DLGAP2: variants seen among roughly 807,000 people sequenced by gnomAD.
DLGAP2 encodes disks large-associated protein 2.
In DLGAP2, 26 loss-of-function variants were observed where a neutral mutation model predicts 100.3. The observed-to-expected ratio is 0.26, with a 90% CI of 0.19 to 0.36. DLGAP2 has a LOEUF of 0.36. DLGAP2 is among the 10% of genes least tolerant of loss of function. DLGAP2 has a pLI of 1.00. For missense variants in DLGAP2, 1,858 were observed against 1,453.2 expected, an observed-to-expected ratio of 1.28 and a Z score of -4.53; for synonymous variants, 886 against 630.1, an observed-to-expected ratio of 1.41 and a Z score of -6.08.
chr8:1,689,183 T>G (rs1255159004), intron 12 of DLGAP2, among the ~76,000 whole-genome samples: 2 of 152,200 alleles, frequency 1.3e-5, no homozygotes, highest in Non-Finnish European at 2.9e-5. Flanking sequence ...CTGTCTAGGC[T>G]TCCACAGTCA....
intron 2 of DLGAP2, among the ~76,000 whole-genome samples, chr8:989,230 C>T (rs562680777): frequency 3.4e-4 from 52 of 152,300 alleles, no homozygotes; most frequent in South Asian, 6.2e-4. Context: ...AGTGCTCCCC[C>T]GGAGTCCCTC....
At chr8:1,414,869 C>T (rs1276632920) in intron 3 of DLGAP2, among the ~76,000 whole-genome samples, 3 of 152,028 alleles carry the variant, frequency 2.0e-5, no homozygotes, top group African/African-American at 7.3e-5. Flanking sequence ...ATTAGCCAGG[C>T]GTGGTGGCAG....
At chr8:1,677,614 C>A (rs1257767936) in intron 11 of DLGAP2, among the ~76,000 whole-genome samples, 3 of 152,234 alleles carry the variant, frequency 2.0e-5, no homozygotes, top group Admixed American at 1.3e-4. Flanking sequence ...TGGTCTCCAA[C>A]TGTAAGCCCC....
At chr8:1,082,306 A>T (rs1803838797) in intron 2 of DLGAP2, among the ~76,000 whole-genome samples, 1 of 152,104 alleles carries the variant, frequency 6.6e-6, no homozygotes, top group Non-Finnish European at 1.5e-5. Flanking sequence ...TTACACATTG[A>T]TTTTTTATCT....
intron 1 of DLGAP2, among the ~76,000 whole-genome samples, chr8:783,965 A>G (rs1225309687): frequency 6.6e-6 from 1 of 152,252 alleles, no homozygotes; most frequent in Non-Finnish European, 1.5e-5. Flanking sequence ...GTAAGTGCTC[A>G]GTGATTTCTG....
rs1260580946 is a variant in DLGAP2, at chr8:945,224, C to G, written c.73+37258C>G. Among the ~76,000 whole-genome samples, 5 of 152,280 alleles carry G rather than the reference C, an allele frequency of 3.3e-5. No homozygotes were observed. The South Asian group carries it at 1.0e-3, about 32-fold the overall frequency. ...TGAGCAGTGTTTTAAATCCAAGGCA[C>G]CAGCAGCTGATGGCTGCTTCTGGTC... On this transcript the variant is annotated intron_variant, in intron 2 of 14. Transcript: ENST00000637795.
At chr8:954,354 T>A (rs997865678) in intron 2 of DLGAP2, among the ~76,000 whole-genome samples, 3 of 152,176 alleles carry the variant, frequency 2.0e-5, no homozygotes, top group Non-Finnish European at 4.4e-5. Flanking sequence ...TCTCCATCCC[T>A]CTCGCCTCCC....
intron 2 of DLGAP2, among the ~76,000 whole-genome samples, chr8:1,194,229 G>A (rs571890258): frequency 4.7e-4 from 71 of 152,256 alleles, no homozygotes; most frequent in African/African-American, 1.7e-3. Context: ...GACTCAGGAG[G>A]AGCTCAGCTG....
At chr8:1,625,083 A>G (rs1797458199) in intron 6 of DLGAP2, among the ~76,000 whole-genome samples, 1 of 152,232 alleles carries the variant, frequency 6.6e-6, no homozygotes, top group Admixed American at 6.5e-5. Flanking sequence ...AGTAAATCAG[A>G]GAAAAACCAC....
At chr8:1,012,531 G>C (rs1801322178) in intron 2 of DLGAP2, among the ~76,000 whole-genome samples, 1 of 123,556 alleles carries the variant, frequency 8.1e-6, no homozygotes, top group Non-Finnish European at 1.7e-5. Context: ...CGTCCGACCA[G>C]CCCCCCCACT....
chr8:945,877 T>C (rs938017677), intron 2 of DLGAP2, among the ~76,000 whole-genome samples: 1 of 152,102 alleles, frequency 6.6e-6, no homozygotes, highest in Non-Finnish European at 1.5e-5. Context: ...TTGTTTTGTC[T>C]GAAATATGTG....
At chr8:1,134,846 C>G (rs1019073568) in intron 2 of DLGAP2, among the ~76,000 whole-genome samples, 11 of 152,238 alleles carry the variant, frequency 7.2e-5, no homozygotes, top group African/African-American at 2.6e-4. Flanking sequence ...TGAGAACTCA[C>G]TATCATGGGA....
At chr8:1,585,380 C>T (rs983971036) in intron 6 of DLGAP2, among the ~76,000 whole-genome samples, 7 of 152,076 alleles carry the variant, frequency 4.6e-5, no homozygotes, top group Admixed American at 6.5e-5. Flanking sequence ...AGGAGAATTG[C>T]GTGAATCTGG....
At chr8:1,391,291 C>G (rs1378812248) in intron 3 of DLGAP2, among the ~76,000 whole-genome samples, 1 of 152,184 alleles carries the variant, frequency 6.6e-6, no homozygotes, top group African/African-American at 2.4e-5. Context: ...AACAAGAAAG[C>G]AAACGGCCTG....
At chr8:1,546,948 C>T (rs1034910754) in intron 4 of DLGAP2, among the ~76,000 whole-genome samples, 2 of 152,154 alleles carry the variant, frequency 1.3e-5, no homozygotes, top group Non-Finnish European at 2.9e-5. Flanking sequence ...GACGGCCACG[C>T]TCAGCCGTCG....
At chr8:1,453,788 C>T (rs1299255470) in intron 3 of DLGAP2, among the ~76,000 whole-genome samples, 4 of 152,220 alleles carry the variant, frequency 2.6e-5, no homozygotes, top group African/African-American at 9.6e-5. Flanking sequence ...TCAACATACT[C>T]CCAACCCATA....
chr8:1,633,057 G>A lies in DLGAP2; in HGVS notation c.1810+11G>A, dbSNP rs772029766. On this transcript the variant is annotated intron_variant, in intron 8 of 14. Coordinates refer to ENST00000637795, the MANE Select transcript of DLGAP2 (RefSeq NM_001346810.2). ...TCAGGTCAACAGCAGGTAAGGGGACGCCATTTTCAGCCTTCCAGCGGGGAC... is the reference window on the plus strand; with the variant it reads ...TCAGGTCAACAGCAGGTAAGGGGACACCATTTTCAGCCTTCCAGCGGGGAC... The A allele has an allele frequency of 1.4e-5, 23 of 1,613,674 alleles. No homozygotes were observed. The Admixed American group carries it at 3.0e-4, about 21-fold the overall frequency.
intron 2 of DLGAP2, among the ~76,000 whole-genome samples, chr8:1,232,490 G>A (rs61510273): frequency 0.11 from 16,421 of 152,242 alleles, 1,018 homozygotes; most frequent in South Asian, 0.15. Context: ...CCTCCGTCTC[G>A]AACCTCACGT....
At chr8:1,274,945 A>T (rs1799653354) in intron 3 of DLGAP2, among the ~76,000 whole-genome samples, 1 of 152,136 alleles carries the variant, frequency 6.6e-6, no homozygotes, top group Non-Finnish European at 1.5e-5. Context: ...TGCGGCAGCC[A>T]TGAGTGAGTG....
Sources: gnomAD v4.1 joint callset for allele counts (sites outside exome capture counted in the v4.1 genomes callset) on GRCh38, gnomAD v4.1.1 for gene constraint, MANE v1.5 for transcripts, NCBI Gene and HGNC (gene_info 2026-07-23, HGNC 2026-07-21) for gene names.